DNAAF9: variants seen among roughly 807,000 people sequenced by gnomAD.
DNAAF9 encodes the protein shulin.
A neutral mutation model predicts 167.0 loss-of-function variants in DNAAF9; 90 were observed. The ratio of observed to expected loss-of-function variants is 0.54; its 90% CI spans 0.45 to 0.64. DNAAF9 has a LOEUF of 0.64. DNAAF9 is among the 30% of genes least tolerant of loss of function. The pLI is 0.00. For synonymous variants in DNAAF9, 491 were observed against 508.8 expected (o/e 0.96, Z 0.47); for missense variants, 1,315 against 1,442.2 (o/e 0.91, Z 1.43).
chr20:3,274,420 G>A (rs2122828805), intron 29 of DNAAF9, among the ~76,000 whole-genome samples: 1 of 152,316 alleles, frequency 6.6e-6, no homozygotes, highest in South Asian at 2.1e-4. Context: ...TGGGAATGCA[G>A]GTGTGAGCCA....
At chr20:3,379,541 T>A (rs1426076338) in intron 3 of DNAAF9, among the ~76,000 whole-genome samples, 2 of 151,728 alleles carry the variant, frequency 1.3e-5, no homozygotes, top group Non-Finnish European at 2.9e-5. Context: ...TGAGCCAATA[T>A]CACACCACTG....
chr20:3,269,761 T>C (rs1476947954), intron 30 of DNAAF9, among the ~76,000 whole-genome samples: 1 of 152,064 alleles, frequency 6.6e-6, no homozygotes, highest in African/African-American at 2.4e-5. Context: ...GAGACCATCC[T>C]GGCTAACATG....
intron 20 of DNAAF9, among the ~76,000 whole-genome samples, chr20:3,307,978 A>AAC (rs925449886): frequency 9.9e-5 from 15 of 151,162 alleles, no homozygotes; most frequent in African/African-American, 3.4e-4. Flanking sequence ...AAAAAAAAAA[A>AAC]AAAAAAAAAA....
At chr20:3,373,964 T>G in intron 6 of DNAAF9, 84 bp downstream of exon 6, 1 of 824,802 alleles carries the variant, frequency 1.2e-6, no homozygotes, top group Non-Finnish European at 2.1e-6. Flanking sequence ...TTTTTGGTGT[T>G]ATAATAATGC....
chr20:3,360,636 T>C (rs1003374698), intron 6 of DNAAF9, among the ~76,000 whole-genome samples: 2 of 152,284 alleles, frequency 1.3e-5, no homozygotes, highest in Middle Eastern at 3.4e-3. Context: ...CACACCGGGT[T>C]CTTTCTTAAT....
At chr20:3,385,008 G>A (rs562059502) in intron 1 of DNAAF9, among the ~76,000 whole-genome samples, 1 of 151,728 alleles carries the variant, frequency 6.6e-6, no homozygotes, top group South Asian at 2.1e-4. Flanking sequence ...TCTCTATTAT[G>A]CATCAATTAA....
intron 25 of DNAAF9, among the ~76,000 whole-genome samples, chr20:3,290,605 T>G (rs1568581835): frequency 6.6e-6 from 1 of 152,220 alleles, no homozygotes; most frequent in South Asian, 2.1e-4. Context: ...TCAGGGATAT[T>G]ATGACTTTTT....
chr20:3,357,392 A>G (rs1185369989), intron 7 of DNAAF9, among the ~76,000 whole-genome samples: 1 of 151,854 alleles, frequency 6.6e-6, no homozygotes, highest in African/African-American at 2.4e-5. Context: ...AATCACTTGA[A>G]CCTGTGGGGG....
intron 1 of DNAAF9, among the ~76,000 whole-genome samples, chr20:3,402,538 C>A (rs1035625036): frequency 6.6e-6 from 1 of 152,100 alleles, no homozygotes; most frequent in African/African-American, 2.4e-5. Context: ...CCCGCTACAT[C>A]CTAATTACCA....
At chr20:3,366,972 G>C (rs528011802) in intron 6 of DNAAF9, among the ~76,000 whole-genome samples, 1 of 151,654 alleles carries the variant, frequency 6.6e-6, no homozygotes, top group Non-Finnish European at 1.5e-5. Flanking sequence ...AAAAAAGAAA[G>C]TCCTAGATGG....
rs372426469 is a variant in DNAAF9 at position 3,259,960 on chromosome 20, C to T, written c.2942G>A (p.Arg981His). The T allele has an allele frequency of 7.7e-5, 124 of 1,611,636 alleles. 1 individual carries two copies. The highest frequency in any genetic ancestry group is 1.0e-4 in the Non-Finnish European group (118 of 1,177,676). ...LMVQICVWFG[R>H]PLEKTRFVAK... ...CACAAAGCGAGTCTTCTCCAAGGGA[C>T]GGCCAAACCATACGCAGATCTGAAC... Residue 981 changes from arginine to histidine, a missense_variant, in exon 32 of 37, where the codon CGT becomes CAT. Physicochemically the swap from Arg to His is conservative, Grantham distance 29 (BLOSUM62 0). Coordinates refer to ENST00000252032, the MANE Select transcript of DNAAF9 (RefSeq NM_001009984.3).
At chr20:3,382,377 A>C in intron 2 of DNAAF9, 50 bp downstream of exon 2, 1 of 1,459,040 alleles carries the variant, frequency 6.9e-7, no homozygotes, top group Non-Finnish European at 9.6e-7. Flanking sequence ...TGTGAACAAA[A>C]AAAGCCAAGT....
intron 11 of DNAAF9, 73 bp from the exon 12 acceptor site, chr20:3,330,755 G>A: frequency 1.2e-6 from 1 of 824,726 alleles, no homozygotes; most frequent in Non-Finnish European, 1.9e-6. Flanking sequence ...AGCTAGAAAT[G>A]CTTAATTTAC....
intron 1 of DNAAF9, among the ~76,000 whole-genome samples, chr20:3,389,034 T>A (rs906465000): frequency 1.3e-5 from 2 of 152,172 alleles, no homozygotes; most frequent in African/African-American, 4.8e-5. Context: ...AATGGTGCAG[T>A]CCCAGCTCAC....
At position 3,264,467 on chromosome 20, in the gene DNAAF9, T is replaced by C. The variant is rs777480356; in HGVS notation, c.2844A>G (p.Leu948=). The C allele has an allele frequency of 1.9e-5, 29 of 1,542,568 alleles. No individual in the cohort carries two copies. Among genetic ancestry groups the C allele is most frequent in the Non-Finnish European group, 9.0e-6 (10 of 1,115,096 alleles). ...CAGGATACATTAAATATCGAGATCG[T>C]AGCATCTCAGGACTTGAAAAACTGT... ...SENSFSSPEM[L]RSRYLMYPGW... Residue 948 remains leucine (L), a synonymous_variant, in exon 31 of 37, where the codon CTA becomes CTG. Transcript: ENST00000252032.
chr20:3,254,346 T>A (rs1356352927), intron 35 of DNAAF9, among the ~76,000 whole-genome samples: 2 of 152,224 alleles, frequency 1.3e-5, no homozygotes, highest in African/African-American at 2.4e-5. Flanking sequence ...CCCAAAGTGC[T>A]GGGATTACAG....
At chr20:3,369,988 A>T (rs2083486843) in intron 6 of DNAAF9, among the ~76,000 whole-genome samples, 2 of 151,870 alleles carry the variant, frequency 1.3e-5, no homozygotes, top group South Asian at 4.1e-4. Flanking sequence ...AAAAAAATTG[A>T]TCTTTTTCTT....
intron 7 of DNAAF9, among the ~76,000 whole-genome samples, chr20:3,349,540 A>G (rs2070273329): frequency 6.6e-6 from 1 of 152,170 alleles, no homozygotes; most frequent in Admixed American, 6.5e-5. Context: ...GACTTTAGTT[A>G]AAGGGAAGGG....
rs372667163 is a variant in DNAAF9, at chr20:3,294,622, T to C, written c.2026A>G (p.Ser676Gly). 6.2e-6 allele frequency: 10 copies of C among 1,604,606 alleles called. No homozygotes were observed. In the African/African-American group the frequency reaches 1.2e-4, roughly 19 times the overall value. Residue 676 changes from serine (S) to glycine (G), a missense_variant, in exon 24 of 37, where the codon AGT (serine) becomes GGT (glycine). Physicochemically the swap from Ser to Gly is moderately conservative, Grantham distance 56 (BLOSUM62 0). Transcript: ENST00000252032. ...LSVEQKRLHS[S>G]AQKLFSALSQ... ...AGGGCACTGAAGAGCTTCTGTGCAC[T>C]GGAGTGCCTGGAATAACAAAAGCTC...
Sources: gnomAD v4.1 joint callset for allele counts (sites outside exome capture counted in the v4.1 genomes callset) on GRCh38, gnomAD v4.1.1 for gene constraint, MANE v1.5 for transcripts, NCBI Gene and HGNC (gene_info 2026-07-23, HGNC 2026-07-21) for gene names.